ZGRF1: variants seen among roughly 807,000 people sequenced by gnomAD.
ZGRF1 encodes zinc finger GRF-type containing 1.
A neutral mutation model predicts 203.5 loss-of-function variants in ZGRF1; 196 were observed. That is an observed-to-expected ratio of 0.96 (90% CI 0.86 to 1.08). The LOEUF (loss-of-function observed/expected upper bound fraction) is 1.08, where lower values mean the gene tolerates loss of function less well. Ranked by LOEUF, ZGRF1 falls within the 50% of genes least tolerant of loss-of-function variation. The pLI is 0.00. For synonymous variants in ZGRF1, 809 were observed against 841.3 expected (o/e 0.96, Z 0.66); for missense variants, 2,326 against 2,416.3 (o/e 0.96, Z 0.78).
intron 24 of ZGRF1, among the ~76,000 whole-genome samples, chr4:112,542,736 A>T (rs1296136759): frequency 6.6e-6 from 1 of 151,282 alleles, no homozygotes; most frequent in Non-Finnish European, 1.5e-5. Context: ...ACCCCACCCA[A>T]CTTTATCTAT....
chr4:112,623,065 G>A (rs2047115133), intron 4 of ZGRF1, among the ~76,000 whole-genome samples: 1 of 152,086 alleles, frequency 6.6e-6, no homozygotes, highest in South Asian at 2.1e-4. Context: ...GTAAGAACAT[G>A]TAATATTTGG....
rs1739003541 is a variant in ZGRF1 at position 112,547,308 on chromosome 4, G to A, written c.5575C>T (p.Leu1859Phe). The change falls in exon 24 of 28, where the codon CTT (leucine) becomes TTT (phenylalanine). Residue 1859 changes from leucine (L) to phenylalanine (F), a missense_variant. Coordinates refer to ENST00000505019, the MANE Select transcript of ZGRF1 (RefSeq NM_018392.5). The part of the protein sequence containing the change: ...AAHENGLEQT[L>F]FDRLCLMGHK... ...ACCATTAAGCAAAGTCGATCAAAAAGAGTTTGTTCCAATCCATTTTCATGA... is the reference window on the plus strand; with the variant it reads ...ACCATTAAGCAAAGTCGATCAAAAAAAGTTTGTTCCAATCCATTTTCATGA... 6.2e-7 allele frequency: 1 copy of A among 1,613,120 alleles called. No homozygotes were observed. Among genetic ancestry groups the A allele is most frequent in the Non-Finnish European group, 8.5e-7 (1 of 1,179,678 alleles).
chr4:112,603,391 A>G (rs1750267633), intron 10 of ZGRF1, 133 bp downstream of exon 10: 3 of 544,690 alleles, frequency 5.5e-6, no homozygotes, highest in Middle Eastern at 4.5e-4. Context: ...GTTTTGAGAT[A>G]TTATGCTTCT....
At chr4:112,622,462 G>A (rs1272491517) in intron 4 of ZGRF1, among the ~76,000 whole-genome samples, 2 of 146,506 alleles carry the variant, frequency 1.4e-5, no homozygotes, top group African/African-American at 2.5e-5. Flanking sequence ...AGAGGCTGCA[G>A]TGAGCCAAGA....
chr4:112,597,985 C>CA (rs200452851), intron 10 of ZGRF1, among the ~76,000 whole-genome samples: 1,638 of 150,632 alleles, frequency 0.011, 34 homozygotes, highest in African/African-American at 0.038. Context: ...AGTATGAAAG[C>CA]AAAAAAAACC....
chr4:112,551,708 T>A (rs1309014996), intron 22 of ZGRF1, among the ~76,000 whole-genome samples: 1 of 152,210 alleles, frequency 6.6e-6, no homozygotes, highest in African/African-American at 2.4e-5. Context: ...TATTATTCAT[T>A]TTATTTAATT....
chr4:112,542,066 C>T (rs1470156176), intron 24 of ZGRF1, among the ~76,000 whole-genome samples: 3 of 152,116 alleles, frequency 2.0e-5, no homozygotes, highest in African/African-American at 4.8e-5. Context: ...TCACGCCAGG[C>T]GCAGTGGTTC....
At position 112,585,670 on chromosome 4, in the gene ZGRF1, T is replaced by A. The variant is rs1747049951; in HGVS notation, c.3972A>T (p.Ser1324=). 6.2e-7 allele frequency: 1 copy of A among 1,607,834 alleles called. No individual in the cohort carries two copies. Among genetic ancestry groups the A allele is most frequent in the African/African-American group, 1.3e-5 (1 of 74,318 alleles). The part of the protein sequence containing the change: ...GLAQNLQKAL[S]KVDISFYTSL... The stretch of plus-strand genomic sequence containing the variant: ...ATGTATAAAATGATATGTCAACTTT[T>A]GAAAGAGCTTTCTGCAGGTTTTGTG... The change falls in exon 14 of 28, where the codon TCA becomes TCT. Residue 1324 remains serine, a synonymous_variant. Transcript: ENST00000505019.
chr4:112,572,594 C>T (rs1744398225), intron 16 of ZGRF1, among the ~76,000 whole-genome samples: 1 of 152,136 alleles, frequency 6.6e-6, no homozygotes, highest in African/African-American at 2.4e-5. Flanking sequence ...GCAAAATTAA[C>T]AATCATCAGG....
intron 10 of ZGRF1, among the ~76,000 whole-genome samples, chr4:112,601,388 C>T (rs1360035160): frequency 6.6e-6 from 1 of 151,920 alleles, no homozygotes; most frequent in African/African-American, 2.4e-5. Flanking sequence ...TAAGCTAGTT[C>T]TAAATGTATA....
chr4:112,548,360 G>T lies in ZGRF1; in HGVS notation c.5367C>A (p.Thr1789=). ...LLKQVRVVGV[T]CAACPFPCMN... ...TGCATGGGAATGGGCAGGCTGCACA[G>T]GTAACTCCAACTACTCGAACCTTTA... is the stretch of plus-strand genomic sequence containing the variant. The change falls in exon 23 of 28, where the codon ACC becomes ACA. Residue 1789 remains threonine (T), a synonymous_variant. Coordinates refer to ENST00000505019, the MANE Select transcript of ZGRF1 (RefSeq NM_018392.5). The T allele has an allele frequency of 6.4e-7, 1 of 1,554,370 alleles. No homozygotes were observed. Among genetic ancestry groups the T allele is most frequent in the Non-Finnish European group, 8.7e-7 (1 of 1,148,376 alleles).
intron 1 of ZGRF1, among the ~76,000 whole-genome samples, chr4:112,635,135 A>C (rs1170329464): frequency 6.6e-6 from 1 of 151,858 alleles, no homozygotes; most frequent in Non-Finnish European, 1.5e-5. Context: ...ATCTCAAAAA[A>C]AAAAAAAAAA....
intron 6 of ZGRF1, 148 bp from the exon 7 acceptor site, chr4:112,612,736 T>A: frequency 1.8e-6 from 1 of 555,388 alleles, no homozygotes; most frequent in Non-Finnish European, 3.2e-6. Context: ...ATGTAGCACT[T>A]GAGGATTCAC....
chr4:112,605,838 G>T (rs577603545), intron 9 of ZGRF1, 170 bp downstream of exon 9: 7 of 574,104 alleles, frequency 1.2e-5, no homozygotes, highest in East Asian at 3.1e-5. Context: ...GACCAAAAAG[G>T]GGGGCAGGAG....
At chr4:112,551,324 C>T (rs980109671) in intron 22 of ZGRF1, among the ~76,000 whole-genome samples, 6 of 152,116 alleles carry the variant, frequency 3.9e-5, no homozygotes, top group Non-Finnish European at 8.8e-5. Context: ...AATTGTAAAA[C>T]AATACATTTC....
chr4:112,618,928 T>C lies in ZGRF1; in HGVS notation c.1114A>G (p.Ile372Val). The change falls in exon 6 of 28, where the codon ATA becomes GTA. Residue 372 changes from isoleucine to valine, a missense_variant. Transcript: ENST00000505019. ...NLKDLSLQKI[I>V]QFVETYAEER... ...TCAGCATACGTTTCAACGAACTGTA[T>C]AATTTTTTGTAATGAAAGGTCTTTC... 1 of 1,613,960 alleles carries C rather than the reference T, an allele frequency of 6.2e-7. No homozygotes were observed. Among genetic ancestry groups the C allele is most frequent in the Non-Finnish European group, 8.5e-7 (1 of 1,179,908 alleles).
chr4:112,604,382 A>G (rs186611836), intron 9 of ZGRF1, among the ~76,000 whole-genome samples: 56 of 152,278 alleles, frequency 3.7e-4, no homozygotes, highest in African/African-American at 1.2e-3. Context: ...ACAACTATGC[A>G]TTACATACAA....
chr4:112,589,732 T>C lies in ZGRF1; in HGVS notation c.3119A>G (p.Asn1040Ser), dbSNP rs1217149716. 1 of 1,613,912 alleles carries C rather than the reference T, an allele frequency of 6.2e-7. No homozygotes were observed. The highest frequency in any genetic ancestry group is 1.1e-5 in the South Asian group (1 of 91,062). Residue 1040 changes from asparagine to serine, a missense_variant, in exon 11 of 28, where the codon AAC becomes AGC. Transcript: ENST00000505019. ...AATGTGGTAACGACTACCCTCCAAG[T>C]TGAGAAAATGAAGATCATCAGGTAA... ...RTLPDDLHFL[N>S]LEGMKKSRSL...
At position 112,539,551 on chromosome 4, in the gene ZGRF1, G is replaced by T; in HGVS notation, c.6311C>A (p.Ser2104Ter). 2 of 1,321,606 alleles carry T rather than the reference G, an allele frequency of 1.5e-6. No individual in the cohort carries two copies. Among genetic ancestry groups the T allele is most frequent in the South Asian group, 1.3e-5 (1 of 76,448 alleles). The allele number at this position is 1,321,606 out of a possible 1,614,324, so 81.9% of individuals were successfully genotyped here. The change falls in exon 28 of 28, where the codon TCA (serine) becomes TAA (stop). Residue 2104 changes from serine to a stop codon, truncating the protein, a stop_gained. Coordinates refer to ENST00000505019, the MANE Select transcript of ZGRF1 (RefSeq NM_018392.5). LOFTEE classifies it high-confidence loss of function. ...EKEKSKDKSH[S>*] is the part of the protein sequence containing the mutation. The stretch of plus-strand genomic sequence containing the variant: ...AAATATTTACACCATGTCTTTTTAT[G>T]AATGAGATTTATCTTTAGATTTCTC...
Sources: allele counts gnomAD v4.1 joint callset (sites outside exome capture counted in the v4.1 genomes callset), GRCh38; gene constraint gnomAD v4.1.1; transcripts MANE v1.5; gene names NCBI Gene and HGNC (gene_info 2026-07-23, HGNC 2026-07-21).